The following MALRD1 variants were observed in gnomAD, a reference collection of about 807,000 sequenced individuals.
The protein encoded by MALRD1 is MAM and LDL-receptor class A domain-containing protein 1.
Under a neutral mutation model 242.1 loss-of-function variants are expected in MALRD1, and 247 were observed. The ratio of observed to expected loss-of-function variants is 1.02; its 90% CI spans 0.92 to 1.13. The LOEUF is 1.13. Ranked by LOEUF, MALRD1 falls within the 50% of genes most tolerant of loss-of-function variation. The pLI is 0.00. For missense variants in MALRD1, 2,989 were observed against 2,533.1 expected (o/e 1.18, Z -3.86); for synonymous variants, 995 against 866.6 (o/e 1.15, Z -2.60).
intron 33 of MALRD1, among the ~76,000 whole-genome samples, chr10:19,590,025 A>G (rs1015336442): frequency 1.4e-4 from 22 of 152,098 alleles, no homozygotes; most frequent in Non-Finnish European, 2.8e-4. Flanking sequence ...CCTCAATGCC[A>G]TTGGTTTTAA....
At chr10:19,165,275 GTTTTGT>G (rs1834639003) in intron 12 of MALRD1, among the ~76,000 whole-genome samples, 1 of 71,658 alleles carries the variant, frequency 1.4e-5, no homozygotes, top group Admixed American at 1.2e-4. Context: ...ATTTTGTTTT[GTTTTGT>G]TTTTGTTTTG....
At chr10:19,075,462 A>G (rs1266583727) in intron 2 of MALRD1, among the ~76,000 whole-genome samples, 2 of 152,074 alleles carry the variant, frequency 1.3e-5, no homozygotes, top group South Asian at 2.1e-4. Context: ...TTAAAGTTTG[A>G]GGACTTGACC....
intron 1 of MALRD1, among the ~76,000 whole-genome samples, chr10:19,062,064 C>G (rs1834837929): frequency 6.7e-6 from 1 of 148,310 alleles, no homozygotes; most frequent in Non-Finnish European, 1.5e-5. Context: ...AGAACGACAG[C>G]TCAACAACAA....
At chr10:19,413,950 C>CA (rs1454343098) in intron 28 of MALRD1, among the ~76,000 whole-genome samples, 18 of 109,716 alleles carry the variant, frequency 1.6e-4, no homozygotes, top group Non-Finnish European at 2.1e-4. Context: ...GACTCTGTCT[C>CA]AAAAAAACAA....
chr10:19,101,384 G>A (rs1384928159), intron 4 of MALRD1, among the ~76,000 whole-genome samples: 4 of 135,342 alleles, frequency 3.0e-5, no homozygotes, highest in Non-Finnish European at 4.7e-5. Flanking sequence ...AACCAACTTG[G>A]GTATGTATAT....
chr10:19,403,194 T>C (rs1455163244), intron 28 of MALRD1, among the ~76,000 whole-genome samples: 1 of 152,182 alleles, frequency 6.6e-6, no homozygotes, highest in African/African-American at 2.4e-5. Flanking sequence ...GTAGTCCTGA[T>C]TTAAAACCCT....
intron 2 of MALRD1, among the ~76,000 whole-genome samples, chr10:19,084,199 G>A (rs983831309): frequency 1.3e-5 from 2 of 151,896 alleles, no homozygotes; most frequent in Non-Finnish European, 2.9e-5. Context: ...ATTGGTATGA[G>A]TCAAAACGTA....
In MALRD1 at chr10:19,323,862, C is replaced by G. The variant is rs1374836773; in HGVS notation, c.3420-87C>G. The G allele has an allele frequency of 1.1e-5, 14 of 1,277,454 alleles. No individual in the cohort carries two copies. The East Asian group carries it at 3.6e-4, about 33-fold the overall frequency. 79.1% of individuals were successfully genotyped at this position (1,277,454 alleles called of 1,614,324 possible). A position where few individuals can be genotyped will look rare whatever the true frequency, so the allele number is the denominator to read the frequency against. The stretch of plus-strand genomic sequence containing the variant: ...CTGACTGCAGGTGATCCACCTGCCT[C>G]AGCCTCCCAAATTCCTGGGATTACA... On this transcript the variant is annotated intron_variant, in intron 21 of 39. Coordinates refer to ENST00000454679, the MANE Select transcript of MALRD1 (RefSeq NM_001142308.3).
Position 19,543,929 on chromosome 10 carries a change from T to C in MALRD1, c.5478+12578T>C, listed in dbSNP as rs190150151. Among the ~76,000 whole-genome samples the C allele has an allele frequency of 2.7e-3, 413 of 152,282 alleles. 3 individuals are homozygous for C. The highest frequency in any genetic ancestry group is 9.5e-3 in the African/African-American group (394 of 41,558). ...ACGTTAATTTCTCCTCACCTTCTTC[T>C]TGTTAAATCAATATATATCTTATCT... On this transcript the variant is annotated intron_variant, in intron 32 of 39. Coordinates refer to ENST00000454679, the MANE Select transcript of MALRD1 (RefSeq NM_001142308.3).
At chr10:19,392,119 T>C (rs1554762963) in intron 28 of MALRD1, among the ~76,000 whole-genome samples, 1 of 152,240 alleles carries the variant, frequency 6.6e-6, no homozygotes, top group Non-Finnish European at 1.5e-5. Flanking sequence ...TATAGATCGC[T>C]ACAACAATGC....
At chr10:19,539,112 T>G (rs1397253649) in intron 32 of MALRD1, among the ~76,000 whole-genome samples, 1 of 151,992 alleles carries the variant, frequency 6.6e-6, no homozygotes, top group Non-Finnish European at 1.5e-5. Flanking sequence ...AATATCAGAG[T>G]CAGACTTAAT....
chr10:19,604,197 A>C (rs1031634214), intron 34 of MALRD1, among the ~76,000 whole-genome samples: 4 of 152,204 alleles, frequency 2.6e-5, no homozygotes, highest in African/African-American at 9.6e-5. Context: ...CAGTGAATAC[A>C]CAAATGATAG....
chr10:19,223,688 C>G (rs1424132644), intron 18 of MALRD1, among the ~76,000 whole-genome samples: 1 of 152,092 alleles, frequency 6.6e-6, no homozygotes, highest in Non-Finnish European at 1.5e-5. Flanking sequence ...CTAATGCTAT[C>G]CCTCCTCTTT....
intron 26 of MALRD1, among the ~76,000 whole-genome samples, chr10:19,367,862 G>A (rs1294095467): frequency 2.0e-5 from 3 of 152,004 alleles, no homozygotes; most frequent in Non-Finnish European, 4.4e-5. Flanking sequence ...GATTAGTGAT[G>A]TTGATCATTT....
chr10:19,110,692 T>C (rs1836646763), intron 5 of MALRD1, among the ~76,000 whole-genome samples: 1 of 152,172 alleles, frequency 6.6e-6, no homozygotes, highest in Non-Finnish European at 1.5e-5. Flanking sequence ...ATGGTATTCC[T>C]GGGTCCAGAG....
At position 19,686,443 on chromosome 10, in the gene MALRD1, A is replaced by G. The variant is rs140383534; in HGVS notation, c.6138-5839A>G. Among the ~76,000 whole-genome samples, 4 of 152,294 alleles carry G rather than the reference A, an allele frequency of 2.6e-5. No homozygotes were observed. The East Asian group carries it at 7.7e-4, about 29-fold the overall frequency. On this transcript the variant is annotated intron_variant, in intron 36 of 39. Transcript: ENST00000454679. ...TTACCAGTCCAACATCCCTAGAGGAAGGTCATATACCAGTTAAACTCTGCC... is the reference window on the plus strand; with the variant it reads ...TTACCAGTCCAACATCCCTAGAGGAGGGTCATATACCAGTTAAACTCTGCC...
rs1034510495 is a variant in MALRD1 at position 19,531,225 on chromosome 10, A to T, written c.5352A>T (p.Ser1784=). The T allele has an allele frequency of 1.3e-6, 2 of 1,550,368 alleles. No homozygotes were observed. The part of the protein sequence containing the change: ...GSGQHFLYVN[S]SGSKEGSVAR... Reference sequence around the variant, plus strand: ...GTCAGCACTTCCTGTACGTCAACTCATCTGGCTCCAAGGAAGGATCCGTTG... The same window carrying T: ...GTCAGCACTTCCTGTACGTCAACTCTTCTGGCTCCAAGGAAGGATCCGTTG... Residue 1784 remains serine (S), a synonymous_variant, in exon 32 of 40, where the codon TCA becomes TCT. Coordinates refer to ENST00000454679, the MANE Select transcript of MALRD1 (RefSeq NM_001142308.3).
chr10:19,203,003 A>C, intron 14 of MALRD1, among the ~76,000 whole-genome samples: 1 of 152,134 alleles, frequency 6.6e-6, no homozygotes, highest in Non-Finnish European at 1.5e-5. Flanking sequence ...TGTTTGTGAA[A>C]GTTAGATATA....
intron 35 of MALRD1, among the ~76,000 whole-genome samples, chr10:19,609,839 A>G (rs1481993706): frequency 6.6e-6 from 1 of 152,076 alleles, no homozygotes. Flanking sequence ...TGAAACTATA[A>G]TTATGATAAT....
Sources: gnomAD v4.1 joint callset for allele counts (sites outside exome capture counted in the v4.1 genomes callset) on GRCh38, gnomAD v4.1.1 for gene constraint, MANE v1.5 for transcripts, NCBI Gene and HGNC (gene_info 2026-07-23, HGNC 2026-07-21) for gene names.